POPDC3: variants seen among roughly 807,000 people sequenced by gnomAD.
POPDC3 encodes popeye domain cAMP effector 3, also known as popeye domain-containing protein 3.
Under a neutral mutation model 28.2 loss-of-function variants are expected in POPDC3, and 20 were observed. The observed-to-expected ratio is 0.71, with a 90% CI of 0.50 to 1.03. POPDC3 has a LOEUF of 1.03. Ranked by LOEUF, POPDC3 falls within the 50% of genes least tolerant of loss-of-function variation. POPDC3 has a pLI of 0.00. For synonymous variants in POPDC3, 118 were observed against 124.1 expected (o/e 0.95, Z 0.33); for missense variants, 316 against 345.9 (o/e 0.91, Z 0.69).
rs1330597721 is a variant in POPDC3 at position 105,158,456 on chromosome 6, T to A, written c.*14A>T. On this transcript the variant is annotated 3_prime_UTR_variant, in exon 4 of 4. Coordinates refer to ENST00000254765, the MANE Select transcript of POPDC3 (RefSeq NM_022361.5). ...AGAGTCTTTTTTTATACTTATAAAT[T>A]TCAGACTTTGATGTCATTTATCACA... 5.1e-6 allele frequency: 8 copies of A among 1,581,582 alleles called. No homozygotes were observed. Among genetic ancestry groups the A allele is most frequent in the Non-Finnish European group, 6.9e-6 (8 of 1,162,564 alleles).
chr6:105,162,564 T>G (rs1297806401), intron 1 of POPDC3, among the ~76,000 whole-genome samples: 2 of 151,990 alleles, frequency 1.3e-5, no homozygotes, highest in East Asian at 3.9e-4. Flanking sequence ...AAACCCTGTC[T>G]CTACTAAAAA....
At chr6:105,179,595 G>A (rs972447091) in intron 1 of POPDC3, among the ~76,000 whole-genome samples, 11 of 152,258 alleles carry the variant, frequency 7.2e-5, no homozygotes, top group African/African-American at 2.4e-4. Flanking sequence ...CTAGACCTCC[G>A]AGCTGTGAGC....
At chr6:105,172,558 A>G (rs1234480876) in intron 1 of POPDC3, among the ~76,000 whole-genome samples, 1 of 150,832 alleles carries the variant, frequency 6.6e-6, no homozygotes, top group African/African-American at 2.5e-5. Flanking sequence ...AGGATTATAA[A>G]TCATGCTGCT....
At chr6:105,171,164 T>C (rs1216478582) in intron 1 of POPDC3, among the ~76,000 whole-genome samples, 2 of 152,234 alleles carry the variant, frequency 1.3e-5, no homozygotes, top group African/African-American at 4.8e-5. Context: ...CCTACATGGC[T>C]TAGGTCAGCT....
chr6:105,175,375 C>CA (rs60678447), intron 1 of POPDC3, among the ~76,000 whole-genome samples: 54,501 of 98,826 alleles, frequency 0.55, 15,445 homozygotes, highest in South Asian at 0.67. Context: ...CCTAACTCTC[C>CA]AAAAAAAAAA....
At chr6:105,171,599 A>C (rs943961292) in intron 1 of POPDC3, among the ~76,000 whole-genome samples, 1 of 152,004 alleles carries the variant, frequency 6.6e-6, no homozygotes, top group Non-Finnish European at 1.5e-5. Flanking sequence ...TGAGCCCAGG[A>C]GGTCAAGGTT....
chr6:105,167,558 C>T (rs919603763), intron 1 of POPDC3, among the ~76,000 whole-genome samples: 2 of 151,868 alleles, frequency 1.3e-5, no homozygotes, highest in African/African-American at 4.8e-5. Context: ...ACCAGCCTGG[C>T]CAACATGGTG....
At chr6:105,178,134 T>C (rs1229081252) in intron 1 of POPDC3, among the ~76,000 whole-genome samples, 3 of 152,230 alleles carry the variant, frequency 2.0e-5, no homozygotes, top group Non-Finnish European at 4.4e-5. Flanking sequence ...AATTACAAAA[T>C]GTGATCTCAA....
At chr6:105,167,351 C>T (rs1480333237) in intron 1 of POPDC3, among the ~76,000 whole-genome samples, 1 of 152,174 alleles carries the variant, frequency 6.6e-6, no homozygotes, top group African/African-American at 2.4e-5. Context: ...CAGTTACTAT[C>T]ACACAGGTCA....
At chr6:105,178,672 T>C (rs1229526780) in intron 1 of POPDC3, 4 of 949,094 alleles carry the variant, frequency 4.2e-6, no homozygotes, top group African/African-American at 1.8e-5. Flanking sequence ...GCTCTTCATT[T>C]TGCGAATATG....
In POPDC3 at chr6:105,158,117, C is replaced by G. The variant is rs1190282; in HGVS notation, c.*353G>C. Among the ~76,000 whole-genome samples, 140,553 of 152,254 alleles carry G rather than the reference C, an allele frequency of 0.92. 65,018 individuals are homozygous for G. Among genetic ancestry groups the G allele is most frequent in the Non-Finnish European group, 0.96 (65,041 of 68,036 alleles). ...CTCAGGCTGAGAATACTTGCTGGCT[C>G]TTTCTTGAGAAGCAACTCCTGAGTC... On this transcript the variant is annotated 3_prime_UTR_variant, in exon 4 of 4. Transcript: ENST00000254765.
intron 1 of POPDC3, among the ~76,000 whole-genome samples, chr6:105,178,007 G>C (rs1297158605): frequency 1.3e-5 from 2 of 152,144 alleles, no homozygotes; most frequent in African/African-American, 4.8e-5. Flanking sequence ...AGATAAAAGG[G>C]AGAAACATTT....
chr6:105,166,612 T>C (rs1774460334), intron 1 of POPDC3: 1 of 471,118 alleles, frequency 2.1e-6, no homozygotes, highest in African/African-American at 2.0e-5. Flanking sequence ...AAAGACGTTT[T>C]CCTTCCGTAC....
chr6:105,170,038 G>A (rs1394342136), intron 1 of POPDC3: 1 of 152,182 alleles, frequency 6.6e-6, no homozygotes, highest in African/African-American at 2.4e-5. Context: ...CAGAGGGATA[G>A]GAGGGTAGGT....
chr6:105,160,066 C>G, intron 2 of POPDC3: 1 of 316,648 alleles, frequency 3.2e-6, no homozygotes, highest in Non-Finnish European at 5.9e-6. Context: ...GAAAATTCAT[C>G]AAGTTGTACA....
chr6:105,176,279 T>C (rs1774681059), intron 1 of POPDC3, among the ~76,000 whole-genome samples: 1 of 152,286 alleles, frequency 6.6e-6, no homozygotes, highest in African/African-American at 2.4e-5. Flanking sequence ...AGCTGCAGTT[T>C]TTATACACTG....
chr6:105,163,472 T>C (rs1421978243), intron 1 of POPDC3, among the ~76,000 whole-genome samples: 1 of 152,220 alleles, frequency 6.6e-6, no homozygotes, highest in Admixed American at 6.5e-5. Context: ...ATGACATTGA[T>C]TTTTTAAAAC....
At chr6:105,163,436 A>G (rs1187279010) in intron 1 of POPDC3, among the ~76,000 whole-genome samples, 2 of 152,218 alleles carry the variant, frequency 1.3e-5, no homozygotes, top group East Asian at 3.8e-4. Flanking sequence ...TTTCCTAACA[A>G]TAAATGATTT....
chr6:105,167,307 G>A lies in POPDC3; in HGVS notation c.-251-5147C>T, dbSNP rs1471333926. On this transcript the variant is annotated intron_variant, in intron 1 of 3. Coordinates refer to ENST00000254765, the MANE Select transcript of POPDC3 (RefSeq NM_022361.5). Reference sequence around the variant, plus strand: ...TCTGAGTAGCAGAATTTACAGCAGAGGATAAGGGGTAGGATAAAGGGAGAG... The same window carrying A: ...TCTGAGTAGCAGAATTTACAGCAGAAGATAAGGGGTAGGATAAAGGGAGAG... 2.6e-5 allele frequency among the ~76,000 whole-genome samples: 4 copies of A among 152,128 alleles called. No homozygotes were observed. The South Asian group carries it at 8.3e-4, about 31-fold the overall frequency.
Sources: gnomAD v4.1 joint callset for allele counts (sites outside exome capture counted in the v4.1 genomes callset) on GRCh38, gnomAD v4.1.1 for gene constraint, MANE v1.5 for transcripts, NCBI Gene and HGNC (gene_info 2026-07-23, HGNC 2026-07-21) for gene names.